FGF6: variants seen among roughly 807,000 people sequenced by gnomAD.
FGF6 encodes the protein FGF-6.
In FGF6, 14 loss-of-function variants were observed where a neutral mutation model predicts 18.4. That is an observed-to-expected ratio of 0.76 (90% CI 0.50 to 1.19). FGF6 has a LOEUF of 1.19. Ranked by LOEUF, FGF6 falls within the 50% of genes most tolerant of loss-of-function variation. The pLI, the probability that FGF6 is intolerant of heterozygous loss-of-function variation, is 0.00. For missense variants in FGF6, 266 were observed against 271.6 expected (o/e 0.98, Z 0.15); for synonymous variants, 125 against 116.7 (o/e 1.07, Z -0.46).
At chr12:4,439,928 T>A (rs1269861243) in intron 2 of FGF6, among the ~76,000 whole-genome samples, 1 of 152,242 alleles carries the variant, frequency 6.6e-6, no homozygotes, top group East Asian at 1.9e-4. Flanking sequence ...GTGCATTTTT[T>A]CTGAATGCTT....
chr12:4,444,493 C>G (rs1219088308), intron 1 of FGF6, among the ~76,000 whole-genome samples: 3 of 152,200 alleles, frequency 2.0e-5, no homozygotes, highest in African/African-American at 7.2e-5. Context: ...ACTTAGCTAT[C>G]TGTTTAAGAT....
At chr12:4,441,822 C>T (rs571770416) in intron 2 of FGF6, among the ~76,000 whole-genome samples, 1 of 152,172 alleles carries the variant, frequency 6.6e-6, no homozygotes, top group South Asian at 2.1e-4. Flanking sequence ...TTCCTGGCTC[C>T]GGGGATCAGT....
At chr12:4,439,610 G>C (rs565692970) in intron 2 of FGF6, among the ~76,000 whole-genome samples, 107 of 151,912 alleles carry the variant, frequency 7.0e-4, no homozygotes, top group African/African-American at 2.5e-3. Context: ...TTGCTTCTCT[G>C]GTCATTCGAT....
At position 4,445,188 on chromosome 12, in the gene FGF6, C is replaced by G. The variant is rs750341341; in HGVS notation, c.346+37G>C. 2.6e-6 allele frequency: 4 copies of G among 1,549,864 alleles called. No homozygotes were observed. Among genetic ancestry groups the G allele is most frequent in the Admixed American group, 1.9e-5 (1 of 53,658 alleles). ...CCTTTTAGCCCTGCATGAGCCCAAA[C>G]CCCCAAGCGTCCCGACTGGCTGCAG... is the stretch of plus-strand genomic sequence containing the variant. On this transcript the variant is annotated intron_variant, in intron 1 of 2. Transcript: ENST00000228837. This position sits in a 1 kb window ranked among gnomAD's most constrained non-coding sequence, Gnocchi z 5.5.
chr12:4,438,410 C>T (rs1865648259), intron 2 of FGF6, among the ~76,000 whole-genome samples: 1 of 152,088 alleles, frequency 6.6e-6, no homozygotes, highest in South Asian at 2.1e-4. Flanking sequence ...CTGATATATT[C>T]CCACACACGC....
chr12:4,443,704 C>T (rs1413280468), intron 2 of FGF6, among the ~76,000 whole-genome samples: 1 of 152,234 alleles, frequency 6.6e-6, no homozygotes, highest in Non-Finnish European at 1.5e-5. Flanking sequence ...CCATTCCACT[C>T]CTCCTGCTGC....
At chr12:4,444,282 A>G (rs765277629) in intron 1 of FGF6, 46 bp from the exon 2 acceptor site, 1 of 1,365,628 alleles carries the variant, frequency 7.3e-7, no homozygotes, top group Non-Finnish European at 1.0e-6. Context: ...TGTGCAAATC[A>G]GAGTGGGAAC....
At chr12:4,440,601 C>T (rs1160154683) in intron 2 of FGF6, among the ~76,000 whole-genome samples, 1 of 152,234 alleles carries the variant, frequency 6.6e-6, no homozygotes, top group Non-Finnish European at 1.5e-5. Flanking sequence ...TTTTCCAACC[C>T]TTTTTCCTAG....
At chr12:4,440,246 A>G (rs2137028658) in intron 2 of FGF6, among the ~76,000 whole-genome samples, 1 of 152,346 alleles carries the variant, frequency 6.6e-6, no homozygotes, top group South Asian at 2.1e-4. Context: ...TTTGGCACTC[A>G]CTATGGAGAA....
intron 2 of FGF6, among the ~76,000 whole-genome samples, chr12:4,435,665 G>A (rs372499161): frequency 6.6e-6 from 1 of 152,164 alleles, no homozygotes; most frequent in African/African-American, 2.4e-5. Flanking sequence ...CAAAAAAATG[G>A]CCCTTTCCAT....
At position 4,435,785 on chromosome 12, in the gene FGF6, G is replaced by C. The variant is rs117878216; in HGVS notation, c.451-1394C>G. 1.1e-3 allele frequency among the ~76,000 whole-genome samples: 169 copies of C among 152,196 alleles called. 3 individuals carry two copies. Among genetic ancestry groups the C allele is most frequent in the Non-Finnish European group, 2.1e-3 (142 of 68,018 alleles). ...ACATGAACGCTGGACTTCCTGTCTC[G>C]CATGCACAGATTCATTCCCAGTACA... On this transcript the variant is annotated intron_variant, in intron 2 of 2. Transcript: ENST00000228837.
chr12:4,443,790 G>C (rs1865720659), intron 2 of FGF6, among the ~76,000 whole-genome samples: 1 of 152,200 alleles, frequency 6.6e-6, no homozygotes, highest in Non-Finnish European at 1.5e-5. Context: ...CTTGCTCTCG[G>C]GGCCTCGCCA....
intron 2 of FGF6, among the ~76,000 whole-genome samples, chr12:4,443,863 C>T (rs1366334249): frequency 1.3e-5 from 2 of 152,150 alleles, no homozygotes; most frequent in Non-Finnish European, 2.9e-5. Flanking sequence ...CTCTGGCCCA[C>T]GGGCTCCCTG....
At chr12:4,437,806 A>C (rs1331268220) in intron 2 of FGF6, among the ~76,000 whole-genome samples, 5 of 152,230 alleles carry the variant, frequency 3.3e-5, no homozygotes, top group Non-Finnish European at 1.5e-5. Context: ...CCTTACATCA[A>C]AATAAATTCC....
rs555449278 is a variant in FGF6, at chr12:4,434,177, A to T, written c.*38T>A. The T allele has an allele frequency of 3.1e-6, 5 of 1,606,500 alleles. No homozygotes were observed. The African/African-American group carries it at 6.7e-5, about 21-fold the overall frequency. ...CTGGTGCAAAATTTCAATCGAACAG[A>T]TGATGCTTTAAATCTGTGAGCCTTC... is the stretch of plus-strand genomic sequence containing the variant. On this transcript the variant is annotated 3_prime_UTR_variant, in exon 3 of 3. Coordinates refer to ENST00000228837, the MANE Select transcript of FGF6 (RefSeq NM_020996.3).
chr12:4,445,482 A>T lies in FGF6; in HGVS notation c.89T>A (p.Ile30Asn). ...GTLWALVFLGILVGMVVPSPA... is the reference protein window; with the variant it reads ...GTLWALVFLGNLVGMVVPSPA... ...CGAGGGCACCACCATGCCCACTAGG[A>T]TGCCTAGGAAGACGAGAGCCCACAG... The change falls in exon 1 of 3, where the codon ATC becomes AAC. Residue 30 changes from isoleucine (I) to asparagine (N), a missense_variant. Ile to Asn is a moderately radical substitution (Grantham distance 149, BLOSUM62 -3). Transcript: ENST00000228837. This position sits in a 1 kb window ranked among gnomAD's most constrained non-coding sequence, Gnocchi z 5.5. 6.2e-7 allele frequency: 1 copy of T among 1,613,234 alleles called. No individual in the cohort carries two copies. Among genetic ancestry groups the T allele is most frequent in the Non-Finnish European group, 8.5e-7 (1 of 1,179,982 alleles).
Position 4,445,394 on chromosome 12 carries a change from GGACAGCAGGGTGCCCCAGCCCCTCGA to G in FGF6, c.151_176del (p.Ser51GlnfsTer85), listed in dbSNP as rs1249440913. The G allele has an allele frequency of 1.2e-6, 2 of 1,613,576 alleles. No homozygotes were observed. Among genetic ancestry groups the G allele is most frequent in the South Asian group, 2.2e-5 (2 of 91,082 alleles). ...CTCCAGCTAGCCCGGCGCGAGACCT[GGACAGCAGGGTGCCCCAGCCCCTCGA>G]GTCCAGCAGCGTGTTGTTGGCACGG... On this transcript the variant is annotated frameshift_variant, in exon 1 of 3. Coordinates refer to ENST00000228837, the MANE Select transcript of FGF6 (RefSeq NM_020996.3). LOFTEE classifies it high-confidence loss of function. The surrounding 1 kb of genome is among the most constrained non-coding windows in gnomAD (Gnocchi z 5.5).
chr12:4,444,821 GC>G (rs1449275825), intron 1 of FGF6, among the ~76,000 whole-genome samples: 1 of 152,174 alleles, frequency 6.6e-6, no homozygotes, highest in Non-Finnish European at 1.5e-5. Flanking sequence ...TGGACATTTT[GC>G]AATTGAATTT....
At chr12:4,438,776 AAAG>A (rs1865653539) in intron 2 of FGF6, among the ~76,000 whole-genome samples, 1 of 151,116 alleles carries the variant, frequency 6.6e-6, no homozygotes, top group Non-Finnish European at 1.5e-5. Context: ...AAAAAAAAAA[AAAG>A]AGGAGTAACT....
Sources: allele counts gnomAD v4.1 joint callset (sites outside exome capture counted in the v4.1 genomes callset), GRCh38; gene constraint gnomAD v4.1.1; non-coding constraint Gnocchi (gnomAD v3.1); transcripts MANE v1.5; gene names NCBI Gene and HGNC (gene_info 2026-07-23, HGNC 2026-07-21).